ADARB2: variants seen among roughly 807,000 people sequenced by gnomAD.
ADARB2 encodes adenosine deaminase RNA specific B2 (inactive).
A neutral mutation model predicts 62.2 loss-of-function variants in ADARB2; 25 were observed. That is an observed-to-expected ratio of 0.40 (90% CI 0.29 to 0.56). ADARB2 has a LOEUF of 0.56. Among genes scored for constraint, ADARB2 ranks in the 20% least tolerant of loss-of-function variants. ADARB2 has a pLI of 0.43. For missense variants in ADARB2, 1,071 were observed against 1,077.4 expected (o/e 0.99, Z 0.08); for synonymous variants, 572 against 500.8 (o/e 1.14, Z -1.90).
At chr10:1,647,418 T>C (rs535100679) in intron 1 of ADARB2, among the ~76,000 whole-genome samples, 1 of 152,204 alleles carries the variant, frequency 6.6e-6, no homozygotes, top group African/African-American at 2.4e-5. Context: ...TGTGCATATA[T>C]GTGTATACAT....
At chr10:1,644,133 T>C (rs1002686482) in intron 1 of ADARB2, among the ~76,000 whole-genome samples, 1 of 152,228 alleles carries the variant, frequency 6.6e-6, no homozygotes, top group Non-Finnish European at 1.5e-5. Flanking sequence ...GGATAAATGA[T>C]CAAATTCCCT....
At chr10:1,280,899 G>T (rs912529163) in intron 3 of ADARB2, among the ~76,000 whole-genome samples, 1 of 152,198 alleles carries the variant, frequency 6.6e-6, no homozygotes, top group Non-Finnish European at 1.5e-5. Flanking sequence ...GCCACGAGAG[G>T]GTTGGGGCCA....
intron 1 of ADARB2, among the ~76,000 whole-genome samples, chr10:1,619,203 T>C (rs1875005): frequency 0.52 from 78,066 of 151,000 alleles, 20,495 homozygotes; most frequent in East Asian, 0.69. Flanking sequence ...AGAGCAGAGA[T>C]CATCAGATTA....
chr10:1,481,718 A>C lies in ADARB2; in HGVS notation c.101-102558T>G, dbSNP rs564825335. On this transcript the variant is annotated intron_variant, in intron 1 of 9. Transcript: ENST00000381312. Reference sequence around the variant, plus strand: ...CTAAAAATACAAAAATTAGCTGGGTATGGGGGCGGGTGCCTGTAATCCCAG... The same window carrying C: ...CTAAAAATACAAAAATTAGCTGGGTCTGGGGGCGGGTGCCTGTAATCCCAG... Among the ~76,000 whole-genome samples, 18 of 152,116 alleles carry C rather than the reference A, an allele frequency of 1.2e-4. No individual in the cohort carries two copies. The South Asian group carries it at 1.2e-3, about 11-fold the overall frequency.
chr10:1,705,662 A>T (rs1353814890), intron 1 of ADARB2, among the ~76,000 whole-genome samples: 4 of 152,234 alleles, frequency 2.6e-5, no homozygotes, highest in Non-Finnish European at 5.9e-5. Flanking sequence ...CAATCTATTT[A>T]TTCCCATCAT....
chr10:1,580,393 T>C (rs1274711509), intron 1 of ADARB2, among the ~76,000 whole-genome samples: 4 of 152,216 alleles, frequency 2.6e-5, no homozygotes, highest in African/African-American at 9.6e-5. Context: ...TTAGTTCGCT[T>C]AGGATAATGC....
chr10:1,724,234 C>T (rs1426654444), intron 1 of ADARB2, among the ~76,000 whole-genome samples: 2 of 152,324 alleles, frequency 1.3e-5, no homozygotes, highest in South Asian at 2.1e-4. Flanking sequence ...GCTTTTTCTG[C>T]TGCTGGCTTT....
chr10:1,432,495 A>G (rs150416080), intron 1 of ADARB2, among the ~76,000 whole-genome samples: 115 of 150,804 alleles, frequency 7.6e-4, no homozygotes, highest in African/African-American at 2.7e-3. Flanking sequence ...TGTGACCTTT[A>G]CCTTTTTACT....
chr10:1,532,071 G>T (rs557268152), intron 1 of ADARB2, among the ~76,000 whole-genome samples: 90 of 152,270 alleles, frequency 5.9e-4, no homozygotes, highest in African/African-American at 2.1e-3. Flanking sequence ...GGGCACCCAG[G>T]CACTGTCCCC....
At chr10:1,346,342 G>A (rs1007175500) in intron 3 of ADARB2, among the ~76,000 whole-genome samples, 3 of 152,164 alleles carry the variant, frequency 2.0e-5, no homozygotes, top group Non-Finnish European at 2.9e-5. Flanking sequence ...CTCACCAACC[G>A]CGAGAACCCC....
chr10:1,458,062 C>T (rs372793885), intron 1 of ADARB2, among the ~76,000 whole-genome samples: 124 of 152,230 alleles, frequency 8.1e-4, no homozygotes, highest in African/African-American at 2.8e-3. Context: ...TTAGAAAAGT[C>T]GCAGGTGATG....
chr10:1,216,853 A>G, intron 7 of ADARB2, 98 bp downstream of exon 7: 4 of 1,472,642 alleles, frequency 2.7e-6, no homozygotes, highest in Non-Finnish European at 3.7e-6. Context: ...TGTGCCCAGC[A>G]TCACTGACCT....
At chr10:1,302,498 G>T (rs112484764) in intron 3 of ADARB2, among the ~76,000 whole-genome samples, 7 of 150,458 alleles carry the variant, frequency 4.7e-5, no homozygotes, top group African/African-American at 1.5e-4. Flanking sequence ...CAAAGCAGCC[G>T]GGAAGCTCGA....
intron 1 of ADARB2, among the ~76,000 whole-genome samples, chr10:1,567,254 C>G (rs1397345729): frequency 3.3e-5 from 5 of 152,052 alleles, no homozygotes; most frequent in Admixed American, 1.3e-4. Context: ...CTTTTGAAAA[C>G]CTGCCCGTCC....
Position 1,493,128 on chromosome 10 carries a change from T to C in ADARB2, c.101-113968A>G, listed in dbSNP as rs75010209. Among the ~76,000 whole-genome samples, 1,469 of 152,336 alleles carry C rather than the reference T, an allele frequency of 9.6e-3. 22 individuals carry two copies. Among genetic ancestry groups the C allele is most frequent in the African/African-American group, 0.034 (1,398 of 41,580 alleles). On this transcript the variant is annotated intron_variant, in intron 1 of 9. Coordinates refer to ENST00000381312, the MANE Select transcript of ADARB2 (RefSeq NM_018702.4). Reference sequence around the variant, plus strand: ...AAAGCATGCAACAGCCACCACCTAATGTACACTTCGATTAAGTCAGTGAAA... The same window carrying C: ...AAAGCATGCAACAGCCACCACCTAACGTACACTTCGATTAAGTCAGTGAAA...
chr10:1,343,865 C>A (rs955574215), intron 3 of ADARB2, among the ~76,000 whole-genome samples: 4 of 152,142 alleles, frequency 2.6e-5, no homozygotes, highest in South Asian at 2.1e-4. Context: ...ATACTGGGAA[C>A]TACTTGAGGG....
At chr10:1,493,434 T>C (rs1831646091) in intron 1 of ADARB2, among the ~76,000 whole-genome samples, 1 of 152,212 alleles carries the variant, frequency 6.6e-6, no homozygotes. Flanking sequence ...CAATAATGAA[T>C]ACATAAAGAT....
At chr10:1,572,023 G>GCT (rs1832945396) in intron 1 of ADARB2, among the ~76,000 whole-genome samples, 2 of 145,730 alleles carry the variant, frequency 1.4e-5, no homozygotes, top group African/African-American at 2.6e-5. Context: ...GGAAAGGTGA[G>GCT]TAGGCAAGTG....
intron 3 of ADARB2, among the ~76,000 whole-genome samples, chr10:1,361,925 A>G (rs558372227): frequency 7.2e-5 from 11 of 152,374 alleles, no homozygotes; most frequent in African/African-American, 2.6e-4. Flanking sequence ...TGCCAAAATG[A>G]ATAAAGATAA....
Sources: gnomAD v4.1 joint callset for allele counts (sites outside exome capture counted in the v4.1 genomes callset) on GRCh38, gnomAD v4.1.1 for gene constraint, MANE v1.5 for transcripts, NCBI Gene and HGNC (gene_info 2026-07-23, HGNC 2026-07-21) for gene names.